CYRIA: variants seen among roughly 807,000 people sequenced by gnomAD.
CYRIA encodes CYFIP related Rac1 interactor A, also known as CYFIP-related Rac1 interactor A.
In CYRIA, 15 loss-of-function variants were observed where a neutral mutation model predicts 43.9. That is an observed-to-expected ratio of 0.34 (90% CI 0.23 to 0.53). The LOEUF (loss-of-function observed/expected upper bound fraction) is 0.53. Ranked by LOEUF, CYRIA falls within the 20% of genes least tolerant of loss-of-function variation. CYRIA has a pLI of 0.94. For synonymous variants in CYRIA, 117 were observed against 136.0 expected, an observed-to-expected ratio of 0.86 and a Z score of 0.97; for missense variants, 236 against 394.2, an observed-to-expected ratio of 0.60 and a Z score of 3.40.
chr2:16,621,181 TC>T (rs1668981988), intron 2 of CYRIA, among the ~76,000 whole-genome samples: 1 of 152,142 alleles, frequency 6.6e-6, no homozygotes, highest in South Asian at 2.1e-4. Context: ...GAATGAATGA[TC>T]CTCCTTCTAC....
intron 2 of CYRIA, among the ~76,000 whole-genome samples, chr2:16,603,736 G>A (rs1668285278): frequency 6.6e-6 from 1 of 152,114 alleles, no homozygotes; most frequent in Non-Finnish European, 1.5e-5. Flanking sequence ...ACACCACCTT[G>A]TATTCCCAGC....
chr2:16,579,524 T>C (rs937783557), intron 3 of CYRIA, among the ~76,000 whole-genome samples: 1 of 152,134 alleles, frequency 6.6e-6, no homozygotes, highest in Non-Finnish European at 1.5e-5. Context: ...TTATGGCATA[T>C]ATAGAAGCAA....
rs1469165723 is a variant in CYRIA, at chr2:16,560,973, T to C, written c.710+17A>G. On this transcript the variant is annotated intron_variant, in intron 9 of 11. Coordinates refer to ENST00000381323, the MANE Select transcript of CYRIA (RefSeq NM_030797.4). ...GGGTGAAGTCTCAACCACGAATACA[T>C]CTCTGATTTAACTTACGGAGTTTCC... 9 of 1,609,904 alleles carry C rather than the reference T, an allele frequency of 5.6e-6. No individual in the cohort carries two copies. Among genetic ancestry groups the C allele is most frequent in the Non-Finnish European group, 7.7e-6 (9 of 1,176,268 alleles).
At chr2:16,572,033 T>TC (rs1667147562) in intron 3 of CYRIA, among the ~76,000 whole-genome samples, 1 of 152,116 alleles carries the variant, frequency 6.6e-6, no homozygotes, top group African/African-American at 2.4e-5. Context: ...TATAGAACAA[T>TC]CACATTAGGA....
In CYRIA at chr2:16,619,394, T is replaced by G. The variant is rs546010696; in HGVS notation, c.-11+4470A>C. Among the ~76,000 whole-genome samples the G allele has an allele frequency of 1.2e-4, 18 of 152,232 alleles. 1 individual carries two copies. Among genetic ancestry groups the G allele is most frequent in the African/African-American group, 4.3e-4 (18 of 41,508 alleles). ...GTGTGCATATATAGATATATATATA[T>G]ATACACACACACATATACATATTCT... On this transcript the variant is annotated intron_variant, in intron 2 of 11. Coordinates refer to ENST00000381323, the MANE Select transcript of CYRIA (RefSeq NM_030797.4).
intron 2 of CYRIA, among the ~76,000 whole-genome samples, chr2:16,612,162 G>A (rs1241760605): frequency 6.6e-6 from 1 of 152,174 alleles, no homozygotes. Flanking sequence ...AGCCACCCAG[G>A]GAATGTGTGT....
intron 1 of CYRIA, among the ~76,000 whole-genome samples, chr2:16,639,989 T>A (rs1330670869): frequency 1.3e-5 from 2 of 152,194 alleles, no homozygotes; most frequent in African/African-American, 4.8e-5. Context: ...ATCTTTTAAA[T>A]TGAAGAGGCA....
chr2:16,641,094 C>G (rs139500786), intron 1 of CYRIA, among the ~76,000 whole-genome samples: 235 of 152,252 alleles, frequency 1.5e-3, no homozygotes, highest in Middle Eastern at 6.8e-3. Context: ...TTCTGTTGCC[C>G]TAATTTAGGC....
At chr2:16,571,774 C>A (rs1276482909) in intron 3 of CYRIA, among the ~76,000 whole-genome samples, 3 of 152,182 alleles carry the variant, frequency 2.0e-5, no homozygotes, top group Non-Finnish European at 4.4e-5. Flanking sequence ...TTAAATTCTG[C>A]CCTTCTTTCC....
chr2:16,612,475 A>G (rs1668638645), intron 2 of CYRIA, among the ~76,000 whole-genome samples: 4 of 152,216 alleles, frequency 2.6e-5, no homozygotes, highest in Non-Finnish European at 5.9e-5. Flanking sequence ...ATCTCATGCT[A>G]TGCTTGAAAG....
intron 1 of CYRIA, among the ~76,000 whole-genome samples, chr2:16,624,877 T>C (rs1429788561): frequency 1.3e-5 from 2 of 152,240 alleles, no homozygotes; most frequent in African/African-American, 4.8e-5. Flanking sequence ...TACCATTAAT[T>C]CCATTTTTCC....
intron 2 of CYRIA, among the ~76,000 whole-genome samples, chr2:16,591,562 T>C (rs1041315507): frequency 3.3e-5 from 5 of 152,138 alleles, no homozygotes; most frequent in African/African-American, 1.2e-4. Context: ...AGAGCTGTGG[T>C]TACACAGCCA....
chr2:16,614,844 G>A (rs1282067102), intron 2 of CYRIA, among the ~76,000 whole-genome samples: 2 of 152,194 alleles, frequency 1.3e-5, no homozygotes, highest in African/African-American at 4.8e-5. Context: ...CCTACTGGAT[G>A]CCAAGCTCTT....
Position 16,549,874 on chromosome 2 carries a change from A to T in CYRIA, c.*3062T>A, listed in dbSNP as rs1274290577. ...AGGTCTTAATTTAATGGTGATAACT[A>T]GGAGCAAATGTTGATCAAGCATGAT... On this transcript the variant is annotated 3_prime_UTR_variant, in exon 12 of 12. Coordinates refer to ENST00000381323, the MANE Select transcript of CYRIA (RefSeq NM_030797.4). The T allele has an allele frequency of 6.6e-6, 1 of 152,128 alleles. No homozygotes were observed. The highest frequency in any genetic ancestry group is 2.4e-5 in the African/African-American group (1 of 41,450). The allele number at this position is 152,128 out of a possible 1,614,324, so 9.4% of individuals were successfully genotyped here.
chr2:16,568,168 T>G (rs1489416355), intron 3 of CYRIA, among the ~76,000 whole-genome samples: 1 of 150,474 alleles, frequency 6.6e-6, no homozygotes, highest in East Asian at 2.0e-4. Flanking sequence ...ATTTTGCATT[T>G]CAGCTTATTG....
intron 3 of CYRIA, among the ~76,000 whole-genome samples, chr2:16,587,589 T>C (rs1330226773): frequency 1.3e-5 from 2 of 152,092 alleles, no homozygotes; most frequent in Non-Finnish European, 2.9e-5. Context: ...GTGACTGATA[T>C]GATTTGGCTG....
intron 3 of CYRIA, among the ~76,000 whole-genome samples, chr2:16,575,263 C>T (rs1020746125): frequency 4.6e-5 from 7 of 152,192 alleles, no homozygotes; most frequent in Non-Finnish European, 7.3e-5. Context: ...GTGGAAGGGA[C>T]TTGCCTTATC....
At chr2:16,642,451 G>A (rs961268571) in intron 1 of CYRIA, among the ~76,000 whole-genome samples, 10 of 151,988 alleles carry the variant, frequency 6.6e-5, no homozygotes, top group Non-Finnish European at 1.3e-4. Flanking sequence ...TATATCCAGC[G>A]TCCCTGCATA....
intron 1 of CYRIA, among the ~76,000 whole-genome samples, chr2:16,625,227 G>C (rs1399756982): frequency 6.6e-6 from 1 of 152,136 alleles, no homozygotes; most frequent in Non-Finnish European, 1.5e-5. Context: ...TCCCAGCTGG[G>C]GCTCCCAGGC....
Sources: gnomAD v4.1 joint callset for allele counts (sites outside exome capture counted in the v4.1 genomes callset) on GRCh38, gnomAD v4.1.1 for gene constraint, MANE v1.5 for transcripts, NCBI Gene and HGNC (gene_info 2026-07-23, HGNC 2026-07-21) for gene names.